The following PARVB variants were observed in gnomAD, a reference collection of about 807,000 sequenced individuals.
PARVB encodes parvin beta.
PARVB carries 46 observed loss-of-function variants against 47.0 expected under a neutral mutation model. That is an observed-to-expected ratio of 0.98 (90% CI 0.77 to 1.25). PARVB has a LOEUF of 1.25. PARVB is among the 50% of genes most tolerant of loss of function. The pLI is 0.00. For synonymous variants in PARVB, 196 were observed against 196.3 expected, an observed-to-expected ratio of 1.00 and a Z score of 0.01; for missense variants, 473 against 471.6, an observed-to-expected ratio of 1.00 and a Z score of -0.03.
intron 12 of PARVB, among the ~76,000 whole-genome samples, chr22:44,164,993 T>C (rs139085): frequency 0.44 from 67,367 of 151,816 alleles, 15,413 homozygotes; most frequent in South Asian, 0.53. Flanking sequence ...TGTATGGCTG[T>C]TTATTCTTTT....
At chr22:44,079,899 G>C (rs961140477) in intron 1 of PARVB, among the ~76,000 whole-genome samples, 1 of 152,304 alleles carries the variant, frequency 6.6e-6, no homozygotes, top group African/African-American at 2.4e-5. Context: ...CTGCACTCCA[G>C]CCTGGGGGAC....
chr22:44,131,123 TTTTC>T (rs918196614), intron 4 of PARVB, among the ~76,000 whole-genome samples: 1 of 94,906 alleles, frequency 1.1e-5, no homozygotes, highest in Non-Finnish European at 2.1e-5. Flanking sequence ...CTTCCTTCCT[TTTTC>T]TTTCTTTCTC....
chr22:44,008,614 G>A (rs944115500), intron 2 of PARVB, among the ~76,000 whole-genome samples: 1 of 152,106 alleles, frequency 6.6e-6, no homozygotes, highest in Admixed American at 6.5e-5. Flanking sequence ...AGAGATAGAT[G>A]CTTGGGTCTG....
At chr22:44,100,639 A>G (rs1039723229) in intron 3 of PARVB, among the ~76,000 whole-genome samples, 2 of 152,154 alleles carry the variant, frequency 1.3e-5, no homozygotes, top group African/African-American at 4.8e-5. Context: ...CCCCGCTCCC[A>G]GAAGTCAGGG....
At chr22:44,151,383 G>T in intron 9 of PARVB, 100 bp from the exon 10 acceptor site, 5 of 842,062 alleles carry the variant, frequency 5.9e-6, no homozygotes, top group Non-Finnish European at 1.0e-5. Flanking sequence ...TGATGAAAGC[G>T]TTTCACAGAG....
At chr22:44,087,310 C>T (rs1356687761) in intron 1 of PARVB, among the ~76,000 whole-genome samples, 2 of 152,218 alleles carry the variant, frequency 1.3e-5, no homozygotes, top group African/African-American at 2.4e-5. Context: ...CAAAGCATCT[C>T]TGCTGTGTTG....
intron 1 of PARVB, among the ~76,000 whole-genome samples, chr22:44,070,476 T>C (rs2051630419): frequency 6.6e-6 from 1 of 152,258 alleles, no homozygotes; most frequent in Admixed American, 6.5e-5. Context: ...AGAGGGACGC[T>C]GTGCCTGGGA....
At chr22:44,130,774 A>G (rs1427352087) in intron 4 of PARVB, among the ~76,000 whole-genome samples, 3 of 152,160 alleles carry the variant, frequency 2.0e-5, no homozygotes, top group South Asian at 2.1e-4. Context: ...TTGCCTCTCA[A>G]CTACATCTTA....
At chr22:43,999,322 G>A (rs753464014) in exon 1 of PARVB, 3 of 1,572,482 alleles carry the variant, frequency 1.9e-6, no homozygotes. Flanking sequence ...TTACCTTTGG[G>A]ACAGTTAGAT....
At chr22:44,150,965 G>C (rs1195434693) in intron 9 of PARVB, 1 of 147,264 alleles carries the variant, frequency 6.8e-6, no homozygotes, top group African/African-American at 2.6e-5. Context: ...CCGGGAGGCG[G>C]AGCTTGCAAT....
chr22:44,083,460 C>T (rs1271419255), intron 1 of PARVB, among the ~76,000 whole-genome samples: 1 of 152,016 alleles, frequency 6.6e-6, no homozygotes, highest in African/African-American at 2.4e-5. Context: ...ATCACATGAT[C>T]GGGGAATAGG....
intron 6 of PARVB, 78 bp downstream of exon 6, chr22:44,133,087 T>C: frequency 5.5e-6 from 5 of 903,640 alleles, no homozygotes; most frequent in South Asian, 1.6e-5. Flanking sequence ...TTTCCTGCCC[T>C]CCCCCTCCTT....
chr22:44,096,027 C>T (rs373546413), intron 2 of PARVB, among the ~76,000 whole-genome samples: 19 of 152,276 alleles, frequency 1.2e-4, no homozygotes, highest in Admixed American at 5.2e-4. Flanking sequence ...AGTTCGAAAC[C>T]AGCCTGGCCA....
At chr22:44,022,658 C>T (rs1396259768), upstream of PARVB, among the ~76,000 whole-genome samples, 1 of 152,148 alleles carries the variant, frequency 6.6e-6, no homozygotes. Flanking sequence ...ACCCACTTCT[C>T]CCCAGGTGCC....
chr22:44,079,627 G>A lies in PARVB; in HGVS notation c.113-14301G>A, dbSNP rs149341383. 8.4e-3 allele frequency among the ~76,000 whole-genome samples: 1,282 copies of A among 152,300 alleles called. 22 individuals are homozygous for A. Among genetic ancestry groups the A allele is most frequent in the African/African-American group, 0.03 (1,229 of 41,570 alleles). On this transcript the variant is annotated intron_variant, in intron 1 of 12. Coordinates refer to ENST00000338758, the MANE Select transcript of PARVB (RefSeq NM_013327.5). Reference sequence around the variant, plus strand: ...ACCGGTGGAGAACTGACTTCAGGTCGTGCTGACTGTGAGGCCATCCAGTTG... The same window carrying A: ...ACCGGTGGAGAACTGACTTCAGGTCATGCTGACTGTGAGGCCATCCAGTTG...
chr22:44,008,363 A>G (rs991244867), intron 2 of PARVB, among the ~76,000 whole-genome samples: 3 of 151,758 alleles, frequency 2.0e-5, no homozygotes, highest in Non-Finnish European at 2.9e-5. Context: ...ACCCACCTCA[A>G]CCTCCCAGCA....
At chr22:44,066,979 A>G (rs2051549704) in intron 1 of PARVB, among the ~76,000 whole-genome samples, 1 of 151,892 alleles carries the variant, frequency 6.6e-6, no homozygotes, top group Non-Finnish European at 1.5e-5. Context: ...CCTCCTGAAT[A>G]ACTGGAACTA....
chr22:44,133,106 C>A, intron 6 of PARVB, 97 bp downstream of exon 6: 1 of 692,778 alleles, frequency 1.4e-6, no homozygotes, highest in South Asian at 1.9e-5. Flanking sequence ...TTTTTTCCCC[C>A]CAGGAGGCTA....
intron 2 of PARVB, among the ~76,000 whole-genome samples, chr22:44,096,313 C>T (rs1487681870): frequency 1.3e-5 from 2 of 152,132 alleles, no homozygotes; most frequent in South Asian, 2.1e-4. Flanking sequence ...GGGAGGATTG[C>T]CTGAGTCTGA....
Sources: gnomAD v4.1 joint callset for allele counts (sites outside exome capture counted in the v4.1 genomes callset) on GRCh38, gnomAD v4.1.1 for gene constraint, MANE v1.5 for transcripts, NCBI Gene and HGNC (gene_info 2026-07-23, HGNC 2026-07-21) for gene names.